The following MED14 variants were observed in gnomAD, a reference collection of about 807,000 sequenced individuals.
The protein encoded by MED14 is mediator complex subunit 14, also known as mediator of RNA polymerase II transcription subunit 14.
A neutral mutation model predicts 109.0 loss-of-function variants in MED14; 8 were observed. The observed-to-expected ratio is 0.07, with a 90% CI of 0.04 to 0.13. The LOEUF (loss-of-function observed/expected upper bound fraction) is 0.13. MED14 is among the 10% of genes least tolerant of loss of function. The pLI, the probability that MED14 is intolerant of heterozygous loss-of-function variation, is 1.00. For synonymous variants in MED14, 399 were observed against 408.7 expected (o/e 0.98, Z 0.29); for missense variants, 711 against 1,142.4 (o/e 0.62, Z 5.44).
At chrX:40,659,129 G>A in intron 28 of MED14, 98 bp downstream of exon 28, 3 of 432,720 alleles carry the variant, frequency 6.9e-6, no homozygotes, top group Non-Finnish European at 7.2e-6. Context: ...AAAAATAGAA[G>A]AAACTACATA....
intron 13 of MED14, among the ~76,000 whole-genome samples, chrX:40,696,106 C>T (rs1043209828): frequency 2.8e-5 from 3 of 108,563 alleles, no homozygotes; most frequent in Middle Eastern, 4.6e-3. Flanking sequence ...GATTCTTAGC[C>T]AACATATCTA....
At chrX:40,735,767 G>A, upstream of MED14, 1 of 378,781 alleles carries the variant, frequency 2.6e-6, no homozygotes, top group Admixed American at 3.0e-5. Context: ...GCGGAAGGGG[G>A]ACCTGCAGAG....
chrX:40,706,813 C>T (rs1371487436), intron 10 of MED14, among the ~76,000 whole-genome samples: 1 of 111,554 alleles, frequency 9.0e-6, no homozygotes. Flanking sequence ...AGTTTTTGTT[C>T]TGTTTTTTAA....
chrX:40,658,246 T>C (rs193030565), intron 28 of MED14, among the ~76,000 whole-genome samples: 1 of 110,302 alleles, frequency 9.1e-6, no homozygotes, highest in Non-Finnish European at 1.9e-5. Flanking sequence ...TGTGCCGCCA[T>C]GCCTAGCTAA....
chrX:40,675,391 T>C, intron 21 of MED14, 30 bp from the exon 22 acceptor site: 11 of 1,034,253 alleles, frequency 1.1e-5, no homozygotes, highest in Non-Finnish European at 1.4e-5. Flanking sequence ...AAATTTAGAT[T>C]ATTTTACCTA....
intron 3 of MED14, among the ~76,000 whole-genome samples, chrX:40,722,708 C>A (rs1337578353): frequency 9.0e-6 from 1 of 111,422 alleles, no homozygotes; most frequent in Non-Finnish European, 1.9e-5. Context: ...AAGATGGGAT[C>A]CTAAAAGCAG....
At chrX:40,687,289 C>T (rs1374524561) in intron 16 of MED14, among the ~76,000 whole-genome samples, 3 of 111,422 alleles carry the variant, frequency 2.7e-5, no homozygotes, top group Non-Finnish European at 5.6e-5. Flanking sequence ...AATCATAACT[C>T]GTGAATATTT....
In MED14 at chrX:40,649,980, A is replaced by G; in HGVS notation, c.*1826T>C. ...AACCACATTAAAAGGGAAAATACCT[A>G]AAAAGTTAACTCTTAATAAAATTAT... On this transcript the variant is annotated 3_prime_UTR_variant, in exon 31 of 31. Transcript: ENST00000324817. 2.1e-5 allele frequency: 16 copies of G among 747,998 alleles called. No individual in the cohort carries two copies. Among genetic ancestry groups the G allele is most frequent in the Non-Finnish European group, 2.5e-5 (16 of 633,035 alleles). 61.6% of individuals were successfully genotyped at this position (747,998 alleles called of 1,213,427 possible). A position where few individuals can be genotyped will look rare whatever the true frequency, so the allele number is the denominator to read the frequency against.
chrX:40,734,622 C>T (rs888333726), intron 1 of MED14, among the ~76,000 whole-genome samples: 1 of 112,390 alleles, frequency 8.9e-6, no homozygotes, highest in Non-Finnish European at 1.9e-5. Context: ...CAAGGCATTT[C>T]ATGGGTAACT....
rs113713867 is a variant in MED14 at position 40,688,428 on chromosome X, A to C, written c.2057+26T>G. ...GAGTGTGACTGCAACATGTGGCACC[A>C]AGTGAAACATATGACAGGGGCTTAC... On this transcript the variant is annotated intron_variant, in intron 16 of 30. Transcript: ENST00000324817. 1.3e-5 allele frequency: 15 copies of C among 1,115,328 alleles called. No homozygotes were observed. In the African/African-American group the frequency reaches 1.4e-4, roughly 11 times the overall value. The allele number at this position is 1,115,328 out of a possible 1,213,427, so 91.9% of individuals were successfully genotyped here.
intron 1 of MED14, among the ~76,000 whole-genome samples, chrX:40,730,773 C>A (rs1370311621): frequency 2.8e-5 from 3 of 108,172 alleles, no homozygotes; most frequent in Non-Finnish European, 3.8e-5. Context: ...TTATTTACAC[C>A]AAAGCACAAT....
Position 40,671,955 on chromosome X carries a change from T to A in MED14, c.3039A>T (p.Pro1013=), listed in dbSNP as rs147404532. The part of the protein sequence containing the change: ...PPQQQPFPKQ[P]GTSGAYPLTS... ...TAAGAGGATAAGCACCTGATGTTCCTGGCTGCTTTGGAAATGGCTGAAAAG... is the reference window on the plus strand; with the variant it reads ...TAAGAGGATAAGCACCTGATGTTCCAGGCTGCTTTGGAAATGGCTGAAAAG... The change falls in exon 23 of 31, where the codon CCA becomes CCT. Residue 1013 remains proline, a synonymous_variant. Coordinates refer to ENST00000324817, the MANE Select transcript of MED14 (RefSeq NM_004229.4). The A allele has an allele frequency of 2.3e-4, 275 of 1,196,689 alleles. No individual in the cohort carries two copies. The highest frequency in any genetic ancestry group is 3.0e-4 in the Non-Finnish European group (266 of 886,040).
intron 3 of MED14, among the ~76,000 whole-genome samples, chrX:40,723,232 G>A (rs1194511880): frequency 2.7e-5 from 3 of 111,884 alleles, no homozygotes; most frequent in Non-Finnish European, 5.6e-5. Flanking sequence ...TAAAAAGGAG[G>A]GAGATAAAGT....
At chrX:40,661,820 T>C (rs1400931152) in intron 26 of MED14, among the ~76,000 whole-genome samples, 3 of 111,578 alleles carry the variant, frequency 2.7e-5, no homozygotes, top group Non-Finnish European at 3.8e-5. Flanking sequence ...CTTTTTTTTT[T>C]AGAAGTCTTT....
intron 21 of MED14, among the ~76,000 whole-genome samples, chrX:40,676,640 T>C (rs1253738861): frequency 1.8e-5 from 2 of 111,962 alleles, no homozygotes; most frequent in South Asian, 7.5e-4. Context: ...TGTAATCGAA[T>C]TGTAATCCCC....
intron 12 of MED14, among the ~76,000 whole-genome samples, chrX:40,700,446 T>C (rs1930893017): frequency 9.2e-6 from 1 of 108,732 alleles, no homozygotes; most frequent in Admixed American, 9.9e-5. Context: ...TTTCAAATAT[T>C]GGCTAAAGGG....
chrX:40,688,292 T>C (rs1287099390), intron 16 of MED14, among the ~76,000 whole-genome samples, 162 bp downstream of exon 16: 1 of 111,789 alleles, frequency 8.9e-6, no homozygotes, highest in East Asian at 2.8e-4. Flanking sequence ...TGCCACTCCA[T>C]AGATTAAAGG....
At chrX:40,707,945 C>T (rs774352887) in intron 10 of MED14, among the ~76,000 whole-genome samples, 8 of 111,529 alleles carry the variant, frequency 7.2e-5, no homozygotes, top group Admixed American at 1.9e-4. Context: ...GACGAAAAGG[C>T]AGTGGTGGTT....
At chrX:40,715,903 A>G (rs987023732) in intron 3 of MED14, among the ~76,000 whole-genome samples, 24 of 110,708 alleles carry the variant, frequency 2.2e-4, no homozygotes, top group Non-Finnish European at 2.8e-4. Flanking sequence ...CAGTGTGAAG[A>G]GACCACCCAC....
Sources: gnomAD v4.1 joint callset for allele counts (sites outside exome capture counted in the v4.1 genomes callset) on GRCh38, gnomAD v4.1.1 for gene constraint, MANE v1.5 for transcripts, NCBI Gene and HGNC (gene_info 2026-07-23, HGNC 2026-07-21) for gene names.